CTDSPL2: variants seen among roughly 807,000 people sequenced by gnomAD.
CTDSPL2 encodes the protein CTD small phosphatase like 2.
CTDSPL2 carries 5 observed loss-of-function variants against 60.0 expected under a neutral mutation model. The ratio of observed to expected loss-of-function variants is 0.08; its 90% CI spans 0.04 to 0.18. CTDSPL2 has a LOEUF of 0.18. Among genes scored for constraint, CTDSPL2 ranks in the 10% least tolerant of loss-of-function variants. The pLI, the probability that CTDSPL2 is intolerant of heterozygous loss-of-function variation, is 1.00. For synonymous variants in CTDSPL2, 186 were observed against 189.3 expected (o/e 0.98, Z 0.14); for missense variants, 370 against 548.8 (o/e 0.67, Z 3.26).
At chr15:44,513,786 A>C (rs1426879019) in intron 8 of CTDSPL2, among the ~76,000 whole-genome samples, 4 of 152,244 alleles carry the variant, frequency 2.6e-5, no homozygotes, top group Non-Finnish European at 4.4e-5. Context: ...AAATGAATAC[A>C]ATTTAGAGGA....
At position 44,527,016 on chromosome 15, in the gene CTDSPL2, AATAT is replaced by A. The variant is rs1261144902; in HGVS notation, c.*2845_*2848del. 2.0e-5 allele frequency: 3 copies of A among 152,604 alleles called. No individual in the cohort carries two copies. Among genetic ancestry groups the A allele is most frequent in the Non-Finnish European group, 2.9e-5 (2 of 68,010 alleles). 9.5% of individuals were successfully genotyped at this position (152,604 alleles called of 1,614,324 possible). ...AATCAGTTGTTTTTTAATTCCATGTAATATATGTAGCCCTCATCAGATTTATATC... is the reference window on the plus strand; with the variant it reads ...AATCAGTTGTTTTTTAATTCCATGTAATGTAGCCCTCATCAGATTTATATC... On this transcript the variant is annotated 3_prime_UTR_variant, in exon 13 of 13. Coordinates refer to ENST00000260327, the MANE Select transcript of CTDSPL2 (RefSeq NM_016396.3).
At chr15:44,445,227 G>A (rs901024460) in intron 1 of CTDSPL2, among the ~76,000 whole-genome samples, 1 of 151,088 alleles carries the variant, frequency 6.6e-6, no homozygotes, top group Non-Finnish European at 1.5e-5. Flanking sequence ...TCCGGCTGTT[G>A]CCCTGTCTGC....
rs745886724 is a variant in CTDSPL2, at chr15:44,499,824, T to G, written c.969+11T>G. On this transcript the variant is annotated intron_variant, in intron 8 of 12. Coordinates refer to ENST00000260327, the MANE Select transcript of CTDSPL2 (RefSeq NM_016396.3). Reference sequence around the variant, plus strand: ...GATGTCATTTATCAGGTAATTAAAATTTTTTTGATGATTTTTGGCCTGATA... The same window carrying G: ...GATGTCATTTATCAGGTAATTAAAAGTTTTTTGATGATTTTTGGCCTGATA... 4 of 1,559,556 alleles carry G rather than the reference T, an allele frequency of 2.6e-6. No individual in the cohort carries two copies. The highest frequency in any genetic ancestry group is 2.7e-5 in the African/African-American group (2 of 73,514).
At chr15:44,433,218 G>T (rs906125946) in intron 1 of CTDSPL2, among the ~76,000 whole-genome samples, 7 of 151,198 alleles carry the variant, frequency 4.6e-5, no homozygotes, top group African/African-American at 1.7e-4. Flanking sequence ...GCGGGGCTGA[G>T]TAGGGGGAAT....
rs1375933175 is a variant in CTDSPL2 at position 44,526,532 on chromosome 15, A to T, written c.*2358A>T. 1 of 152,082 alleles carries T rather than the reference A, an allele frequency of 6.6e-6. No individual in the cohort carries two copies. The highest frequency in any genetic ancestry group is 1.5e-5 in the Non-Finnish European group (1 of 67,972). 9.4% of individuals were successfully genotyped at this position (152,082 alleles called of 1,614,324 possible). On this transcript the variant is annotated 3_prime_UTR_variant, in exon 13 of 13. Transcript: ENST00000260327. ...TTCCGTAAAGAAATAAACTAAGAAA[A>T]TTTTTTATGGCTTGAGAAAATTCCT...
intron 1 of CTDSPL2, among the ~76,000 whole-genome samples, chr15:44,454,392 T>C (rs2080392352): frequency 6.6e-6 from 1 of 152,200 alleles, no homozygotes; most frequent in African/African-American, 2.4e-5. Flanking sequence ...TTTACTCTGA[T>C]GGTAGTTTCT....
intron 1 of CTDSPL2, among the ~76,000 whole-genome samples, chr15:44,435,524 G>A (rs1204087511): frequency 5.3e-5 from 8 of 150,710 alleles, no homozygotes; most frequent in Admixed American, 1.3e-4. Flanking sequence ...AGCTGAGATC[G>A]CGCCATCGCA....
At chr15:44,495,444 G>A (rs2081282818) in intron 5 of CTDSPL2, among the ~76,000 whole-genome samples, 1 of 151,980 alleles carries the variant, frequency 6.6e-6, no homozygotes, top group South Asian at 2.1e-4. Flanking sequence ...AGCCAGGTGT[G>A]GTGGCACATG....
intron 4 of CTDSPL2, among the ~76,000 whole-genome samples, chr15:44,490,442 A>C (rs1158345063): frequency 6.6e-6 from 1 of 152,126 alleles, no homozygotes; most frequent in Non-Finnish European, 1.5e-5. Flanking sequence ...AGTCTTTGTT[A>C]TTGAGATGGA....
chr15:44,438,218 C>G (rs1007909334), intron 1 of CTDSPL2, among the ~76,000 whole-genome samples: 3 of 150,764 alleles, frequency 2.0e-5, no homozygotes, highest in Admixed American at 2.0e-4. Context: ...GAGCTGAGAT[C>G]GCGCCACTGC....
chr15:44,462,301 G>A (rs2080587414), intron 2 of CTDSPL2, among the ~76,000 whole-genome samples: 1 of 152,096 alleles, frequency 6.6e-6, no homozygotes, highest in Non-Finnish European at 1.5e-5. Flanking sequence ...AATCTCTGTT[G>A]GTCAGCAAAT....
intron 1 of CTDSPL2, among the ~76,000 whole-genome samples, chr15:44,431,568 AAG>A (rs1172485736): frequency 6.6e-6 from 1 of 152,196 alleles, no homozygotes; most frequent in Non-Finnish European, 1.5e-5. Flanking sequence ...AATTCTCTGA[AAG>A]AGGAAACTTT....
At chr15:44,456,229 T>C (rs2080437535) in intron 1 of CTDSPL2, among the ~76,000 whole-genome samples, 1 of 152,196 alleles carries the variant, frequency 6.6e-6, no homozygotes, top group Non-Finnish European at 1.5e-5. Flanking sequence ...TCCGCCAGGC[T>C]TTGTATCAGG....
chr15:44,521,765 C>T (rs1000579449), intron 12 of CTDSPL2, among the ~76,000 whole-genome samples: 2 of 150,840 alleles, frequency 1.3e-5, no homozygotes, highest in African/African-American at 2.4e-5. Context: ...GGTGAAACCC[C>T]GTCTCTACTA....
chr15:44,503,160 G>A (rs2081407530), intron 8 of CTDSPL2, among the ~76,000 whole-genome samples: 1 of 152,036 alleles, frequency 6.6e-6, no homozygotes, highest in South Asian at 2.1e-4. Context: ...TGAGGAAATG[G>A]CACTCATATA....
chr15:44,459,198 A>C lies in CTDSPL2; in HGVS notation c.184A>C (p.Lys62Gln). The change falls in exon 2 of 13, where the codon AAG (lysine) becomes CAG (glutamine). Residue 62 changes from lysine (K) to glutamine (Q), a missense_variant and splice_region_variant. Transcript: ENST00000260327. ...AAAATTTATTAAAGGAAGCACACCT[A>C]AGGTAATGATTTTACCATATACTTT... ...IKKFIKGSTP[K>Q]EERENPSKRS... 1 of 1,599,842 alleles carries C rather than the reference A, an allele frequency of 6.3e-7. No homozygotes were observed. The highest frequency in any genetic ancestry group is 8.5e-7 in the Non-Finnish European group (1 of 1,173,576).
chr15:44,429,569 G>C (rs1468515972), intron 1 of CTDSPL2, among the ~76,000 whole-genome samples: 2 of 152,140 alleles, frequency 1.3e-5, no homozygotes, highest in Non-Finnish European at 2.9e-5. Context: ...TCTCAGAGTT[G>C]AAAGAACGTA....
chr15:44,506,923 C>T (rs1478263745), intron 8 of CTDSPL2, among the ~76,000 whole-genome samples: 1 of 151,434 alleles, frequency 6.6e-6, no homozygotes, highest in African/African-American at 2.4e-5. Context: ...CCTGCCACTA[C>T]ACCCGGCTAA....
rs1881345597 is a variant in CTDSPL2 at position 44,506,408 on chromosome 15, T to G, written c.969+6595T>G. 2.0e-5 allele frequency among the ~76,000 whole-genome samples: 3 copies of G among 149,318 alleles called. No individual in the cohort carries two copies. The South Asian group carries it at 6.4e-4, about 32-fold the overall frequency. On this transcript the variant is annotated intron_variant, in intron 8 of 12. Coordinates refer to ENST00000260327, the MANE Select transcript of CTDSPL2 (RefSeq NM_016396.3). ...ACATTAAGCTTCATTTTATCCTACT[T>G]TGACTTTTTTTTTTTTTTTTTTTTT...
Sources: gnomAD v4.1 joint callset for allele counts (sites outside exome capture counted in the v4.1 genomes callset) on GRCh38, gnomAD v4.1.1 for gene constraint, MANE v1.5 for transcripts, NCBI Gene and HGNC (gene_info 2026-07-23, HGNC 2026-07-21) for gene names.